The following ATP10B variants were observed in gnomAD, a reference collection of about 807,000 sequenced individuals.
ATP10B encodes the protein ATPase phospholipid transporting 10B (putative), also known as phospholipid-transporting ATPase VB.
ATP10B carries 122 observed loss-of-function variants against 141.2 expected under a neutral mutation model. The ratio of observed to expected loss-of-function variants is 0.86; its 90% CI spans 0.75 to 1.00. The LOEUF (loss-of-function observed/expected upper bound fraction) is 1.00, where lower values mean the gene tolerates loss of function less well. Ranked by LOEUF, ATP10B falls within the 50% of genes least tolerant of loss-of-function variation. The pLI is 0.00. For synonymous variants in ATP10B, 685 were observed against 692.0 expected (o/e 0.99, Z 0.16); for missense variants, 1,876 against 1,825.3 (o/e 1.03, Z -0.51).
intron 2 of ATP10B, among the ~76,000 whole-genome samples, chr5:160,735,261 C>A (rs1451691589): frequency 6.6e-6 from 1 of 151,514 alleles, no homozygotes; most frequent in African/African-American, 2.4e-5. Flanking sequence ...AAACATGCTT[C>A]ACTTATAAAG....
chr5:160,687,933 C>T lies in ATP10B; in HGVS notation c.142G>A (p.Val48Met), dbSNP rs192248100. ...TGGAATATGCTGTTGTTGGGGAACA[C>T]GACCCGCTGCTGTGTCAAGTTGTAG... Reference protein sequence around the residue: ...QSYNLTQQRVVFPNNSIFHQD... With the variant: ...QSYNLTQQRVMFPNNSIFHQD... Residue 48 changes from valine to methionine, a missense_variant, in exon 5 of 26, where the codon GTG becomes ATG. Physicochemically the swap from Val to Met is conservative, Grantham distance 21. Coordinates refer to ENST00000327245, the MANE Select transcript of ATP10B (RefSeq NM_025153.3). 32 of 1,614,106 alleles carry T rather than the reference C, an allele frequency of 2.0e-5. No individual in the cohort carries two copies. Among genetic ancestry groups the T allele is most frequent in the Admixed American group, 1.2e-4 (7 of 60,020 alleles).
intron 10 of ATP10B, among the ~76,000 whole-genome samples, chr5:160,637,312 CCCATCCATCCATTTAT>C (rs1759486541): frequency 6.6e-6 from 1 of 150,884 alleles, no homozygotes; most frequent in Non-Finnish European, 1.5e-5. Context: ...CACCTACTTA[CCCATCCATCCATTTAT>C]CCATCCATCC....
intron 8 of ATP10B, 24 bp downstream of exon 8, chr5:160,649,147 C>T (rs370876443): frequency 2.6e-6 from 4 of 1,535,140 alleles, no homozygotes; most frequent in Non-Finnish European, 3.6e-6. Context: ...TATTTACTAG[C>T]AGCATGGGAC....
chr5:160,795,939 A>T (rs574559842), intron 1 of ATP10B, among the ~76,000 whole-genome samples: 1 of 152,168 alleles, frequency 6.6e-6, no homozygotes, highest in South Asian at 2.1e-4. Flanking sequence ...GTGGTAATTT[A>T]TATGGCAGCC....
chr5:160,636,053 T>A (rs1197433715), intron 11 of ATP10B, 129 bp downstream of exon 11: 6 of 1,091,154 alleles, frequency 5.5e-6, no homozygotes, highest in Non-Finnish European at 6.3e-6. Flanking sequence ...AAGAAAGCGA[T>A]GACCATCTCC....
chr5:160,856,638 ATTGTATGTAGATGATTTGAG>A (rs1156396285), upstream of ATP10B, among the ~76,000 whole-genome samples: 2 of 151,778 alleles, frequency 1.3e-5, no homozygotes, highest in Non-Finnish European at 3.0e-5. Flanking sequence ...TTAGCTGTAT[ATTGTATGTAGATGATTTGAG>A]TTGTATGTAG....
intron 18 of ATP10B, chr5:160,611,957 T>A (rs1053956675): frequency 9.2e-5 from 14 of 152,276 alleles, no homozygotes; most frequent in African/African-American, 3.4e-4. Context: ...GGTGGAACTT[T>A]ACCTTCTGCA....
intron 24 of ATP10B, among the ~76,000 whole-genome samples, chr5:160,584,694 C>G (rs1435764654): frequency 2.0e-5 from 3 of 152,032 alleles, no homozygotes; most frequent in Non-Finnish European, 4.4e-5. Context: ...ATTGAATAGC[C>G]CTTCTTTATG....
At chr5:160,835,992 CAG>C (rs1245687049) in intron 1 of ATP10B, among the ~76,000 whole-genome samples, 4 of 152,170 alleles carry the variant, frequency 2.6e-5, no homozygotes, top group Admixed American at 2.0e-4. Context: ...TGAAACAACT[CAG>C]AAACAGAAAC....
intron 1 of ATP10B, among the ~76,000 whole-genome samples, chr5:160,793,054 T>G (rs1021808447): frequency 1.3e-5 from 2 of 152,200 alleles, no homozygotes; most frequent in African/African-American, 2.4e-5. Flanking sequence ...TTGAAAATAT[T>G]TTTAATCGGG....
chr5:160,898,799 G>A, the ATP10B span, among the ~76,000 whole-genome samples: 16 of 152,100 alleles, frequency 1.1e-4, no homozygotes, highest in Non-Finnish European at 1.8e-4. Flanking sequence ...TATACACCAT[G>A]GAATACCATG....
At chr5:160,862,421 G>T in the ATP10B span, among the ~76,000 whole-genome samples, 2 of 151,870 alleles carry the variant, frequency 1.3e-5, no homozygotes, top group African/African-American at 2.4e-5. Flanking sequence ...ACACTTACCT[G>T]GCCAGTCTCC....
intron 2 of ATP10B, among the ~76,000 whole-genome samples, chr5:160,770,946 C>T (rs969341957): frequency 8.5e-5 from 13 of 152,166 alleles, no homozygotes; most frequent in African/African-American, 2.9e-4. Flanking sequence ...GGACACCATA[C>T]ACTAGGTCTA....
At chr5:160,735,496 A>G (rs1767046977) in intron 2 of ATP10B, among the ~76,000 whole-genome samples, 1 of 152,146 alleles carries the variant, frequency 6.6e-6, no homozygotes. Context: ...AGATATATAA[A>G]GAAAATATTA....
intron 7 of ATP10B, among the ~76,000 whole-genome samples, chr5:160,662,691 C>A (rs937504965): frequency 6.6e-6 from 1 of 152,148 alleles, no homozygotes; most frequent in African/African-American, 2.4e-5. Context: ...ACCATAAAAA[C>A]CCTAGAAGAA....
chr5:160,579,471 G>A (rs1755409474), intron 24 of ATP10B, among the ~76,000 whole-genome samples: 1 of 152,258 alleles, frequency 6.6e-6, no homozygotes, highest in African/African-American at 2.4e-5. Context: ...AAGATCAGAT[G>A]GTTGTAGATG....
intron 1 of ATP10B, among the ~76,000 whole-genome samples, chr5:160,807,661 G>A (rs1581569800): frequency 6.6e-6 from 1 of 152,154 alleles, no homozygotes; most frequent in Non-Finnish European, 1.5e-5. Context: ...GTGATAAATA[G>A]CATTAGGATA....
At position 160,620,970 on chromosome 5, in the gene ATP10B, A is replaced by G. The variant is rs1338450582; in HGVS notation, c.1813-20T>C. ...GGTGACCTTGTGGCCAAAGAAGGAA[A>G]GTGGAATATTACTCTCAATGTTGGA... On this transcript the variant is annotated intron_variant, in intron 14 of 25. Coordinates refer to ENST00000327245, the MANE Select transcript of ATP10B (RefSeq NM_025153.3). 1.3e-6 allele frequency: 2 copies of G among 1,595,386 alleles called. No individual in the cohort carries two copies. Among genetic ancestry groups the G allele is most frequent in the Non-Finnish European group, 1.7e-6 (2 of 1,170,706 alleles).
intron 7 of ATP10B, 44 bp downstream of exon 7, chr5:160,670,419 C>T (rs1278830380): frequency 2.5e-6 from 4 of 1,597,426 alleles, no homozygotes; most frequent in Admixed American, 1.7e-5. Flanking sequence ...AGGCTTGCAT[C>T]CTTTCTATGA....
Sources: gnomAD v4.1 joint callset for allele counts (sites outside exome capture counted in the v4.1 genomes callset) on GRCh38, gnomAD v4.1.1 for gene constraint, MANE v1.5 for transcripts, NCBI Gene and HGNC (gene_info 2026-07-23, HGNC 2026-07-21) for gene names.